NR2C2: variants seen among roughly 807,000 people sequenced by gnomAD.
NR2C2 encodes Nuclear hormone receptor TR4.
Under a neutral mutation model 62.9 loss-of-function variants are expected in NR2C2, and 6 were observed. That is an observed-to-expected ratio of 0.10 (90% CI 0.05 to 0.19). The LOEUF (loss-of-function observed/expected upper bound fraction) is 0.19. Among genes scored for constraint, NR2C2 ranks in the 10% least tolerant of loss-of-function variants. NR2C2 has a pLI of 1.00. For missense variants in NR2C2, 479 were observed against 762.7 expected, an observed-to-expected ratio of 0.63 and a Z score of 4.38; for synonymous variants, 272 against 273.8, an observed-to-expected ratio of 0.99 and a Z score of 0.07.
Position 15,034,728 on chromosome 3 carries a change from C to G in NR2C2, c.1291C>G (p.Leu431Val). 6.2e-7 allele frequency: 1 copy of G among 1,614,218 alleles called. No individual in the cohort carries two copies. Among genetic ancestry groups the G allele is most frequent in the East Asian group, 2.2e-5 (1 of 44,880 alleles). Residue 431 changes from leucine to valine, a missense_variant, in exon 11 of 14, where the codon CTG becomes GTG. Leu to Val is a conservative substitution (Grantham distance 32). Around this residue, in one of 4 missense-constraint regions of NR2C2, gnomAD observed 162 missense variants for 296.8 expected, o/e 0.55. Transcript: ENST00000425241. ...ACWNELFTLG[L>V]AQCAQVMSLS... The stretch of plus-strand genomic sequence containing the variant: ...CTGGAATGAGCTCTTCACCCTCGGC[C>G]TGGCCCAGTGTGCCCAGGTCATGAG...
intron 1 of NR2C2, among the ~76,000 whole-genome samples, chr3:14,963,429 C>T (rs1455051332): frequency 6.6e-6 from 1 of 152,210 alleles, no homozygotes; most frequent in African/African-American, 2.4e-5. Flanking sequence ...ATGGGTCCTA[C>T]TGCAACCAGG....
chr3:15,018,883 C>G lies in NR2C2; in HGVS notation c.377-1870C>G, dbSNP rs1032325805. 2.3e-4 allele frequency among the ~76,000 whole-genome samples: 35 copies of G among 151,618 alleles called. 1 individual carries two copies. Among genetic ancestry groups the G allele is most frequent in the African/African-American group, 8.5e-4 (35 of 41,314 alleles). The stretch of plus-strand genomic sequence containing the variant: ...TACAAAAATTAGCTGGGTGTGGTAG[C>G]GGGTTCCTGTAATCCCAGCTACTTG... On this transcript the variant is annotated intron_variant, in intron 4 of 13. Coordinates refer to ENST00000425241, the MANE Select transcript of NR2C2 (RefSeq NM_001291694.2).
rs775654644 is a variant in NR2C2 at position 15,003,905 on chromosome 3, A to T, written c.-10A>T. Reference sequence around the variant, plus strand: ...CACGTACACAGACCTCTCGGCCGGAATCTCCAGGGATGACCAGCCCCTCCC... The same window carrying T: ...CACGTACACAGACCTCTCGGCCGGATTCTCCAGGGATGACCAGCCCCTCCC... On this transcript the variant is annotated 5_prime_UTR_variant, in exon 2 of 14. Transcript: ENST00000425241. The T allele has an allele frequency of 6.2e-7, 1 of 1,613,846 alleles. No individual in the cohort carries two copies. Among genetic ancestry groups the T allele is most frequent in the African/African-American group, 1.3e-5 (1 of 75,010 alleles).
Position 15,028,580 on chromosome 3 carries a change from T to C in NR2C2, c.799-6T>C. 6.2e-7 allele frequency: 1 copy of C among 1,609,950 alleles called. No homozygotes were observed. The highest frequency in any genetic ancestry group is 8.5e-7 in the Non-Finnish European group (1 of 1,176,658). ...ATTTTTAATGTCAGTATTTTTTGTTTAATAGGCTGAAACAAGCCAGGGAGC... is the reference window on the plus strand; with the variant it reads ...ATTTTTAATGTCAGTATTTTTTGTTCAATAGGCTGAAACAAGCCAGGGAGC... On this transcript the variant is annotated splice_polypyrimidine_tract_variant and splice_region_variant and intron_variant, in intron 7 of 13. Transcript: ENST00000425241.
intron 1 of NR2C2, among the ~76,000 whole-genome samples, chr3:14,982,323 G>A (rs886519165): frequency 5.9e-5 from 9 of 152,172 alleles, no homozygotes; most frequent in African/African-American, 2.2e-4. Flanking sequence ...GTGAGCCACT[G>A]TGCCCATTCT....
At chr3:15,027,191 G>T (rs747498130) in intron 7 of NR2C2, among the ~76,000 whole-genome samples, 1 of 152,038 alleles carries the variant, frequency 6.6e-6, no homozygotes, top group Non-Finnish European at 1.5e-5. Flanking sequence ...TAGAGATGAG[G>T]TTTCACCATG....
At chr3:15,040,861 C>T (rs981082806) in intron 13 of NR2C2, among the ~76,000 whole-genome samples, 1 of 152,190 alleles carries the variant, frequency 6.6e-6, no homozygotes, top group Non-Finnish European at 1.5e-5. Flanking sequence ...TCAGGTTGTC[C>T]TCCTAGGAGG....
chr3:14,965,127 C>T (rs1051872639), intron 1 of NR2C2, among the ~76,000 whole-genome samples: 2 of 152,046 alleles, frequency 1.3e-5, no homozygotes, highest in Admixed American at 1.3e-4. Flanking sequence ...GACAGTGGCC[C>T]CGGCCTGGAA....
intron 1 of NR2C2, among the ~76,000 whole-genome samples, chr3:14,995,333 A>C (rs1429083411): frequency 1.3e-5 from 2 of 151,274 alleles, no homozygotes; most frequent in Non-Finnish European, 2.9e-5. Context: ...AAAAAAAAAA[A>C]AAAACCCCAC....
intron 5 of NR2C2, among the ~76,000 whole-genome samples, chr3:15,022,706 G>C (rs981680904): frequency 6.6e-6 from 1 of 151,972 alleles, no homozygotes; most frequent in Admixed American, 6.6e-5. Context: ...TTTTATCCTT[G>C]AAAGAGTCTA....
At chr3:15,034,902 A>G in intron 11 of NR2C2, 93 bp downstream of exon 11, 2 of 1,325,668 alleles carry the variant, frequency 1.5e-6, no homozygotes, top group Non-Finnish European at 1.0e-6. Context: ...GCTCATGTCA[A>G]AGACACCTTT....
intron 7 of NR2C2, 110 bp from the exon 8 acceptor site, chr3:15,028,476 C>A: frequency 1.0e-6 from 1 of 1,000,820 alleles, no homozygotes; most frequent in Non-Finnish European, 1.5e-6. Flanking sequence ...TTTGTAGTCA[C>A]ACTTCCCTCT....
intron 4 of NR2C2, 141 bp downstream of exon 4, chr3:15,016,395 TG>T: frequency 1.6e-6 from 1 of 607,366 alleles, no homozygotes; most frequent in Non-Finnish European, 3.0e-6. Context: ...CTTTTCTTAT[TG>T]GGGTAATGAT....
chr3:15,030,423 C>T lies in NR2C2; in HGVS notation c.1081C>T (p.Leu361Phe). ...ACCCATCATTGAGGTTGAAGGCCCC[C>T]TCCTTTCAGACACACACGTCACATT... ...STPIIEVEGP[L>F]LSDTHVTFKL... Residue 361 changes from leucine (L) to phenylalanine (F), a missense_variant, in exon 9 of 14, where the codon CTC (leucine) becomes TTC (phenylalanine). By Grantham distance (22) the Leu-to-Phe change is conservative (BLOSUM62 0). Around this residue, in one of 4 missense-constraint regions of NR2C2, gnomAD observed 151 missense variants for 176.1 expected, o/e 0.86. Coordinates refer to ENST00000425241, the MANE Select transcript of NR2C2 (RefSeq NM_001291694.2). 6.2e-7 allele frequency: 1 copy of T among 1,603,684 alleles called. No homozygotes were observed. The highest frequency in any genetic ancestry group is 8.5e-7 in the Non-Finnish European group (1 of 1,176,850).
intron 1 of NR2C2, among the ~76,000 whole-genome samples, chr3:14,969,818 G>A (rs1467096597): frequency 6.6e-6 from 1 of 152,104 alleles, no homozygotes; most frequent in African/African-American, 2.4e-5. Context: ...TTATCAACAG[G>A]ATTTACATCA....
rs569621805 is a variant in NR2C2, at chr3:15,037,416, A to G, written c.1373-584A>G. Reference sequence around the variant, plus strand: ...GTATAATACTAATACTGCCAGTAAAATATTGTCATGAGGATTAAATGAAAT... The same window carrying G: ...GTATAATACTAATACTGCCAGTAAAGTATTGTCATGAGGATTAAATGAAAT... On this transcript the variant is annotated intron_variant, in intron 11 of 13. Transcript: ENST00000425241. 3.7e-4 allele frequency among the ~76,000 whole-genome samples: 56 copies of G among 152,250 alleles called. 4 individuals carry two copies. The highest frequency in any genetic ancestry group is 2.1e-3 in the South Asian group (10 of 4,824).
chr3:14,993,532 A>G (rs558183672), intron 1 of NR2C2, among the ~76,000 whole-genome samples: 5 of 152,262 alleles, frequency 3.3e-5, no homozygotes, highest in Admixed American at 3.3e-4. Flanking sequence ...ATCAGACTGT[A>G]AATTCATACA....
intron 1 of NR2C2, among the ~76,000 whole-genome samples, chr3:14,963,639 T>G (rs1409736619): frequency 2.0e-5 from 3 of 151,982 alleles, no homozygotes; most frequent in Non-Finnish European, 4.4e-5. Context: ...CCCGGCTAAT[T>G]TTTTGTATTT....
intron 13 of NR2C2, among the ~76,000 whole-genome samples, chr3:15,042,197 C>T (rs770734404): frequency 3.9e-5 from 6 of 152,100 alleles, no homozygotes; most frequent in Non-Finnish European, 7.4e-5. Context: ...GTTCAGTGGC[C>T]CTCCAGGGCA....
Sources: gnomAD v4.1 joint callset for allele counts (sites outside exome capture counted in the v4.1 genomes callset) on GRCh38, gnomAD v4.1.1 for gene constraint, gnomAD v4.1.1 regional missense constraint, MANE v1.5 for transcripts, NCBI Gene and HGNC (gene_info 2026-07-23, HGNC 2026-07-21) for gene names.